Variants in TTLL11 observed in about 807,000 individuals in gnomAD.
The protein encoded by TTLL11 is tubulin tyrosine ligase like 11.
A neutral mutation model predicts 51.7 loss-of-function variants in TTLL11; 42 were observed. That is an observed-to-expected ratio of 0.81 (90% CI 0.64 to 1.05). TTLL11 has a LOEUF of 1.05. TTLL11 is among the 50% of genes least tolerant of loss of function. The probability of loss-of-function intolerance (pLI) is 0.00; values close to 1 mark genes in which losing one functional copy is unlikely to be tolerated. For synonymous variants in TTLL11, 381 were observed against 383.5 expected (o/e 0.99, Z 0.08); for missense variants, 799 against 940.4 (o/e 0.85, Z 1.97).
intron 1 of TTLL11, among the ~76,000 whole-genome samples, chr9:122,060,305 A>G (rs933317966): frequency 8.5e-5 from 13 of 152,268 alleles, no homozygotes; most frequent in Admixed American, 3.9e-4. Context: ...CTATTTGTAT[A>G]GTGATTCACA....
At chr9:121,974,800 T>A in intron 5 of TTLL11, 84 bp downstream of exon 5, 1 of 1,093,602 alleles carries the variant, frequency 9.1e-7, no homozygotes, top group Non-Finnish European at 1.3e-6. Context: ...GAATGTCCAA[T>A]CTTGTTTTGT....
At position 121,860,354 on chromosome 9, in the gene TTLL11, A is replaced by C; in HGVS notation, c.1823T>G (p.Leu608Arg). ...TCAAATACCTGAGTCCCGCTGGTCC[A>C]GGGTCATGGAGTTCCACCTCCGTGT... ...DITRRWNSMT[L>R]DQRDSGMCLQ... The change falls in exon 8 of 9, where the codon CTG becomes CGG. Residue 608 changes from leucine to arginine, a missense_variant. This residue lies in a region of TTLL11 where 165 missense variants were observed against 166.1 expected (regional missense o/e 0.99). Coordinates refer to ENST00000321582, the MANE Select transcript of TTLL11 (RefSeq NM_001139442.2). 1 of 1,551,426 alleles carries C rather than the reference A, an allele frequency of 6.4e-7. No individual in the cohort carries two copies. Among genetic ancestry groups the C allele is most frequent in the Non-Finnish European group, 8.7e-7 (1 of 1,146,860 alleles).
chr9:121,973,714 G>A (rs1451820614), intron 6 of TTLL11, among the ~76,000 whole-genome samples: 2 of 151,942 alleles, frequency 1.3e-5, no homozygotes, highest in Non-Finnish European at 2.9e-5. Context: ...TGCACGTTGT[G>A]CACATGTACC....
chr9:121,856,862 G>T (rs1359802980), intron 8 of TTLL11, among the ~76,000 whole-genome samples: 1 of 152,198 alleles, frequency 6.6e-6, no homozygotes, highest in Non-Finnish European at 1.5e-5. Flanking sequence ...AAGACCCTCT[G>T]GTCTTTCTGC....
At chr9:122,023,686 G>C (rs1368394596) in intron 3 of TTLL11, among the ~76,000 whole-genome samples, 1 of 149,678 alleles carries the variant, frequency 6.7e-6, no homozygotes, top group Admixed American at 6.6e-5. Flanking sequence ...AGCTAAAAAA[G>C]AAGATCCATA....
intron 6 of TTLL11, among the ~76,000 whole-genome samples, chr9:121,946,231 G>C (rs1841657778): frequency 6.6e-6 from 1 of 152,190 alleles, no homozygotes; most frequent in Non-Finnish European, 1.5e-5. Flanking sequence ...ATGTGCAAAG[G>C]CATAGAGGCA....
intron 8 of TTLL11, among the ~76,000 whole-genome samples, chr9:121,829,903 A>T (rs1413137493): frequency 6.6e-6 from 1 of 151,998 alleles, no homozygotes; most frequent in Non-Finnish European, 1.5e-5. Flanking sequence ...CCCCAGGTGG[A>T]GTTAATCACC....
At chr9:121,912,378 T>TC (rs1196147389) in intron 6 of TTLL11, among the ~76,000 whole-genome samples, 4 of 150,374 alleles carry the variant, frequency 2.7e-5, no homozygotes, top group East Asian at 3.9e-4. Context: ...ACCCTTACCT[T>TC]CCCCCCCGCC....
chr9:122,042,012 CTTT>C (rs57195778), intron 1 of TTLL11, among the ~76,000 whole-genome samples: 5 of 138,028 alleles, frequency 3.6e-5, no homozygotes, highest in Admixed American at 7.2e-5. Context: ...CTCATACTTC[CTTT>C]TTTTTTTTTT....
At chr9:122,077,597 C>T (rs776527436) in intron 1 of TTLL11, among the ~76,000 whole-genome samples, 11 of 151,526 alleles carry the variant, frequency 7.3e-5, no homozygotes, top group Non-Finnish European at 1.3e-4. Flanking sequence ...ATAGATCAGA[C>T]AAAAATCAGG....
At chr9:121,921,658 G>C (rs905814863) in intron 6 of TTLL11, among the ~76,000 whole-genome samples, 1 of 152,130 alleles carries the variant, frequency 6.6e-6, no homozygotes, top group Non-Finnish European at 1.5e-5. Flanking sequence ...AGCACCTTGA[G>C]GATTTCAGCT....
At chr9:121,825,667 C>A (rs1443591891) in intron 8 of TTLL11, among the ~76,000 whole-genome samples, 1 of 152,084 alleles carries the variant, frequency 6.6e-6, no homozygotes, top group South Asian at 2.1e-4. Context: ...TGGGGTGGGG[C>A]CCAAGGCACT....
chr9:122,010,563 T>A (rs575808242), intron 3 of TTLL11, among the ~76,000 whole-genome samples: 1 of 152,342 alleles, frequency 6.6e-6, no homozygotes, highest in East Asian at 1.9e-4. Context: ...AGTTACTATC[T>A]GGCTTTTACA....
Position 121,838,336 on chromosome 9 carries a change from C to G in TTLL11, c.1841-15457G>C, listed in dbSNP as rs188010922. ...TGCCCTCCCCCACCTGAGCAGCTGT[C>G]GTCCCTTGAAGCCCCCACAGCCTCC... On this transcript the variant is annotated intron_variant, in intron 8 of 8. Coordinates refer to ENST00000321582, the MANE Select transcript of TTLL11 (RefSeq NM_001139442.2). 9.9e-5 allele frequency among the ~76,000 whole-genome samples: 15 copies of G among 152,246 alleles called. No homozygotes were observed. In the East Asian group the frequency reaches 2.9e-3, roughly 29 times the overall value.
intron 3 of TTLL11, among the ~76,000 whole-genome samples, chr9:122,012,703 C>CA (rs1843846487): frequency 6.6e-6 from 1 of 150,938 alleles, no homozygotes; most frequent in African/African-American, 2.5e-5. Context: ...CACACACACA[C>CA]CAAGTTAAGC....
intron 3 of TTLL11, among the ~76,000 whole-genome samples, chr9:121,999,269 A>C (rs1458529506): frequency 6.6e-6 from 1 of 152,178 alleles, no homozygotes; most frequent in Non-Finnish European, 1.5e-5. Context: ...AGTATGCCCC[A>C]AAAGCAGATA....
At chr9:121,838,470 G>A (rs1275014211) in intron 8 of TTLL11, among the ~76,000 whole-genome samples, 1 of 152,152 alleles carries the variant, frequency 6.6e-6, no homozygotes, top group East Asian at 1.9e-4. Flanking sequence ...TGTAATCCCA[G>A]CACTTTGGGA....
At chr9:121,874,175 G>A (rs1023545451) in intron 6 of TTLL11, among the ~76,000 whole-genome samples, 1 of 151,770 alleles carries the variant, frequency 6.6e-6, no homozygotes, top group African/African-American at 2.4e-5. Context: ...TAATTTTTAA[G>A]TTTTTTTTGT....
At chr9:121,860,674 G>A (rs1408828241) in intron 7 of TTLL11, among the ~76,000 whole-genome samples, 1 of 152,200 alleles carries the variant, frequency 6.6e-6, no homozygotes, top group Non-Finnish European at 1.5e-5. Context: ...ACACTAGAGA[G>A]CCTGCCTCCT....
Sources: gnomAD v4.1 joint callset for allele counts (sites outside exome capture counted in the v4.1 genomes callset) on GRCh38, gnomAD v4.1.1 for gene constraint, gnomAD v4.1.1 regional missense constraint, MANE v1.5 for transcripts, NCBI Gene and HGNC (gene_info 2026-07-23, HGNC 2026-07-21) for gene names.